Variants in ANKRD54 observed in about 807,000 individuals in gnomAD.
The protein encoded by ANKRD54 is ankyrin repeat domain-containing protein 54.
ANKRD54 carries 26 observed loss-of-function variants against 36.2 expected under a neutral mutation model. The ratio of observed to expected loss-of-function variants is 0.72; its 90% CI spans 0.53 to 1.00. ANKRD54 has a LOEUF of 1.00. Among genes scored for constraint, ANKRD54 ranks in the 50% least tolerant of loss-of-function variants. ANKRD54 has a pLI of 0.00. For synonymous variants in ANKRD54, 209 were observed against 188.4 expected (o/e 1.11, Z -0.89); for missense variants, 384 against 424.3 (o/e 0.91, Z 0.83).
chr22:37,843,161 G>A (rs1210684367), intron 1 of ANKRD54, among the ~76,000 whole-genome samples: 1 of 152,220 alleles, frequency 6.6e-6, no homozygotes, highest in Admixed American at 6.5e-5. Context: ...AGTGGCTCAT[G>A]CCTGTTATGC....
In ANKRD54 at chr22:37,844,009, T is replaced by G; in HGVS notation, c.230A>C (p.Glu77Ala). 7.0e-7 allele frequency: 1 copy of G among 1,430,374 alleles called. No individual in the cohort carries two copies. Among genetic ancestry groups the G allele is most frequent in the South Asian group, 1.4e-5 (1 of 71,520 alleles). The allele number at this position is 1,430,374 out of a possible 1,614,324, so 88.6% of individuals were successfully genotyped here. A position where few individuals can be genotyped will look rare whatever the true frequency, so the allele number is the denominator to read the frequency against. Residue 77 changes from glutamate to alanine, a missense_variant, in exon 1 of 8, where the codon GAG (glutamate) becomes GCG (alanine). Glu to Ala is a moderately radical substitution (Grantham distance 107). This residue lies in a region of ANKRD54 where 195 missense variants were observed against 177.7 expected (regional missense o/e 1.10). Coordinates refer to ENST00000215941, the MANE Select transcript of ANKRD54 (RefSeq NM_138797.4). ...CTTGCAGCGCAGCTCGTCGCGCGGC[T>G]CCGCATCCTGCTGCCACAGGACGTG... ...YLHVLWQQDA[E>A]PRDELRCKIP...
In ANKRD54 at chr22:37,832,741, T is replaced by G. The variant is rs1323639375; in HGVS notation, c.724A>C (p.Ile242Leu). The change falls in exon 7 of 8, where the codon ATC becomes CTC. Residue 242 changes from isoleucine to leucine, a missense_variant. Around this residue, in one of 3 missense-constraint regions of ANKRD54, gnomAD observed 179 missense variants for 224.0 expected, o/e 0.80. Coordinates refer to ENST00000215941, the MANE Select transcript of ANKRD54 (RefSeq NM_138797.4). ...EAVRLEVKQI[I>L]HMLREYLERL... ...TCCAGATACTCCCTCAGCATATGGA[T>G]GATCTGGAACAAGAGGGTGAGCTGA... 6.2e-7 allele frequency: 1 copy of G among 1,613,938 alleles called. No homozygotes were observed. The highest frequency in any genetic ancestry group is 2.2e-5 in the East Asian group (1 of 44,892).
rs961698012 is a variant in ANKRD54 at position 37,844,142 on chromosome 22, C to G, written c.97G>C (p.Ala33Pro). The stretch of plus-strand genomic sequence containing the variant: ...TCAGCGAAGGAGAAGAGGCCCTCAG[C>G]GTCAGTCAGCGGCTCCGGCGCCACC... ...CAVAPEPLTD[A>P]EGLFSFADFG... is the part of the protein sequence containing the mutation. Residue 33 changes from alanine to proline, a missense_variant, in exon 1 of 8, where the codon GCT becomes CCT. Physicochemically the swap from Ala to Pro is conservative, Grantham distance 27. Coordinates refer to ENST00000215941, the MANE Select transcript of ANKRD54 (RefSeq NM_138797.4). 42 of 1,496,988 alleles carry G rather than the reference C, an allele frequency of 2.8e-5. No homozygotes were observed. Among genetic ancestry groups the G allele is most frequent in the Non-Finnish European group, 3.6e-5 (41 of 1,130,406 alleles). 92.7% of individuals were successfully genotyped at this position (1,496,988 alleles called of 1,614,324 possible).
At chr22:37,849,253 A>G (rs901929621), upstream of ANKRD54, 5 of 650,776 alleles carry the variant, frequency 7.7e-6, no homozygotes, top group African/African-American at 1.9e-5. Context: ...CGGCCTCCCA[A>G]ACTGGTGGGG....
At chr22:37,833,650 A>G in intron 4 of ANKRD54, 34 bp downstream of exon 4, 6 of 1,611,054 alleles carry the variant, frequency 3.7e-6, no homozygotes, top group Non-Finnish European at 5.1e-6. Flanking sequence ...CTTTGCTGCA[A>G]ATGAGTTGTC....
At chr22:37,848,250 C>T (rs187163328), upstream of ANKRD54, 1 of 152,384 alleles carries the variant, frequency 6.6e-6, no homozygotes, top group East Asian at 1.9e-4. Flanking sequence ...CCCCTGGCCT[C>T]GAACCCGGTG....
At chr22:37,838,399 C>G in intron 3 of ANKRD54, 101 bp downstream of exon 3, 2 of 1,157,960 alleles carry the variant, frequency 1.7e-6, no homozygotes, top group Non-Finnish European at 2.4e-6. Context: ...TCCAGAACAA[C>G]TGGGCATCCC....
chr22:37,836,104 G>C (rs1923488648), intron 3 of ANKRD54, among the ~76,000 whole-genome samples: 1 of 150,748 alleles, frequency 6.6e-6, no homozygotes. Flanking sequence ...AAAGTGCTGG[G>C]ATTACAGGCG....
intron 1 of ANKRD54, among the ~76,000 whole-genome samples, chr22:37,841,848 A>AAAATAAATAAAT (rs56891536): frequency 2.9e-4 from 40 of 137,872 alleles, no homozygotes; most frequent in Admixed American, 4.5e-4. Context: ...ACTCTGTCTC[A>AAAATAAATAAAT]AAATAAATAA....
upstream of ANKRD54, chr22:37,848,055 G>A (rs1924941933): frequency 1.3e-5 from 2 of 158,928 alleles, no homozygotes; most frequent in African/African-American, 4.8e-5. Flanking sequence ...AAGCAAGGAG[G>A]GCGGCGTGAC....
chr22:37,841,033 G>A (rs1924174191), intron 1 of ANKRD54, among the ~76,000 whole-genome samples: 1 of 147,556 alleles, frequency 6.8e-6, no homozygotes, highest in African/African-American at 2.5e-5. Context: ...AGTGAGATGA[G>A]ATCACGCCAC....
rs533832722 is a variant in ANKRD54 at position 37,831,155 on chromosome 22, C to A, written c.*788G>T. On this transcript the variant is annotated 3_prime_UTR_variant, in exon 8 of 8. Transcript: ENST00000215941. The stretch of plus-strand genomic sequence containing the variant: ...GAACAAGCTGGGATAATCTTCCTGG[C>A]GAAAGATCCTTAACTTCATTACATC... 6.6e-6 allele frequency: 1 copy of A among 152,198 alleles called. No homozygotes were observed. Among genetic ancestry groups the A allele is most frequent in the Non-Finnish European group, 1.5e-5 (1 of 68,064 alleles). 9.4% of individuals were successfully genotyped at this position (152,198 alleles called of 1,614,324 possible). A position where few individuals can be genotyped will look rare whatever the true frequency, so the allele number is the denominator to read the frequency against.
At position 37,838,618 on chromosome 22, in the gene ANKRD54, G is replaced by C; in HGVS notation, c.377-20C>G. ...GCTGCACTGACACCACCAAGACAGA[G>C]GGAGGAAGGGGGAGAAAGCGGCGAT... is the stretch of plus-strand genomic sequence containing the variant. On this transcript the variant is annotated intron_variant, in intron 2 of 7. Transcript: ENST00000215941. 1 of 1,597,616 alleles carries C rather than the reference G, an allele frequency of 6.3e-7. No homozygotes were observed. The highest frequency in any genetic ancestry group is 8.5e-7 in the Non-Finnish European group (1 of 1,174,324).
At chr22:37,843,642 G>A (rs1156277766) in intron 1 of ANKRD54, 3 of 250,408 alleles carry the variant, frequency 1.2e-5, no homozygotes, top group African/African-American at 6.8e-5. Flanking sequence ...ACCAATAAGC[G>A]TTCCGAGTCA....
chr22:37,833,305 G>A, intron 4 of ANKRD54, 99 bp from the exon 5 acceptor site: 1 of 1,423,114 alleles, frequency 7.0e-7, no homozygotes. Flanking sequence ...AGACGCCTGT[G>A]CCAAGTTATG....
chr22:37,846,889 T>C (rs200378101), upstream of ANKRD54, among the ~76,000 whole-genome samples: 1 of 27,188 alleles, frequency 3.7e-5, no homozygotes, highest in South Asian at 1.6e-3. Context: ...AGTCTCGCTC[T>C]GTCGCCCAGG....
Position 37,838,483 on chromosome 22 carries a change from C to T in ANKRD54, c.475+17G>A. The T allele has an allele frequency of 1.2e-6, 2 of 1,604,022 alleles. No homozygotes were observed. Among genetic ancestry groups the T allele is most frequent in the Non-Finnish European group, 1.7e-6 (2 of 1,175,240 alleles). ...TACTTGCCTAGCCCTACTCCCTCCT[C>T]CCTCCCCAGGACTCACCAATCTGGT... On this transcript the variant is annotated intron_variant, in intron 3 of 7. Transcript: ENST00000215941.
chr22:37,849,011 G>GT (rs2146001391), upstream of ANKRD54: 1 of 294,812 alleles, frequency 3.4e-6, no homozygotes, highest in South Asian at 1.1e-4. Context: ...TTTAGACGGA[G>GT]TTTTCCCTCT....
Position 37,831,907 on chromosome 22 carries a change from G to A in ANKRD54, c.*36C>T, listed in dbSNP as rs377652831. On this transcript the variant is annotated 3_prime_UTR_variant, in exon 8 of 8. Transcript: ENST00000215941. Reference sequence around the variant, plus strand: ...GGTACTGAGACAGCAGTGGGGCAGGGTGGGGCAGTGGCAGGAAGGCAGGGA... The same window carrying A: ...GGTACTGAGACAGCAGTGGGGCAGGATGGGGCAGTGGCAGGAAGGCAGGGA... 3.5e-5 allele frequency: 56 copies of A among 1,606,528 alleles called. No individual in the cohort carries two copies. The highest frequency in any genetic ancestry group is 4.5e-5 in the Non-Finnish European group (53 of 1,174,942).
Sources: allele counts gnomAD v4.1 joint callset (sites outside exome capture counted in the v4.1 genomes callset), GRCh38; gene constraint gnomAD v4.1.1; regional missense constraint gnomAD v4.1.1; transcripts MANE v1.5; gene names NCBI Gene and HGNC (gene_info 2026-07-23, HGNC 2026-07-21).